Variants in SGCD observed in about 807,000 individuals in gnomAD.
SGCD encodes the protein sarcoglycan delta.
A neutral mutation model predicts 36.6 loss-of-function variants in SGCD; 18 were observed. The ratio of observed to expected loss-of-function variants is 0.49; its 90% CI spans 0.34 to 0.73. SGCD has a LOEUF of 0.73. SGCD is among the 30% of genes least tolerant of loss of function. The pLI, the probability that SGCD is intolerant of heterozygous loss-of-function variation, is 0.01. For synonymous variants in SGCD, 133 were observed against 130.6 expected (o/e 1.02, Z -0.12); for missense variants, 387 against 346.7 (o/e 1.12, Z -0.92).
rs537222540 is a variant in SGCD at position 156,691,371 on chromosome 5, TG to T, written c.575+43836del. On this transcript the variant is annotated intron_variant, in intron 7 of 8. Coordinates refer to ENST00000337851, the MANE Select transcript of SGCD (RefSeq NM_000337.6). ...GTGCGAGACTCAATAGCTATGTGGC[TG>T]CTATACTGGACCACACAAATGTAGA... is the stretch of plus-strand genomic sequence containing the variant. 1.6e-3 allele frequency among the ~76,000 whole-genome samples: 237 copies of T among 152,268 alleles called. 2 individuals carry two copies. The highest frequency in any genetic ancestry group is 6.8e-3 in the Middle Eastern group (2 of 294).
In SGCD at chr5:156,759,453, TG is replaced by T; in HGVS notation, c.*64del. 1 of 1,173,132 alleles carries T rather than the reference TG, an allele frequency of 8.5e-7. No homozygotes were observed. The highest frequency in any genetic ancestry group is 1.2e-6 in the Non-Finnish European group (1 of 826,442). 72.7% of individuals were successfully genotyped at this position (1,173,132 alleles called of 1,614,324 possible). On this transcript the variant is annotated 3_prime_UTR_variant, in exon 9 of 9. Transcript: ENST00000337851. ...GCCTTTTTTGGCTTTAGACACTGGC[TG>T]CCAGCTATTTTTACTAGAACACAGA...
At position 156,393,931 on chromosome 5, in the gene SGCD, T is replaced by G. The variant is rs138515077; in HGVS notation, c.192+49254T>G. On this transcript the variant is annotated intron_variant, in intron 3 of 8. Coordinates refer to ENST00000337851, the MANE Select transcript of SGCD (RefSeq NM_000337.6). Reference sequence around the variant, plus strand: ...GTCGTTGACACTCACAAGAGATGGGTAAGACCTGATTCTTTCCCTGAAAAA... The same window carrying G: ...GTCGTTGACACTCACAAGAGATGGGGAAGACCTGATTCTTTCCCTGAAAAA... 521 of 418,822 alleles carry G rather than the reference T, an allele frequency of 1.2e-3. 1 individual carries two copies. Among genetic ancestry groups the G allele is most frequent in the African/African-American group, 9.3e-3 (456 of 49,100 alleles). 25.9% of individuals were successfully genotyped at this position (418,822 alleles called of 1,614,324 possible).
intron 3 of SGCD, among the ~76,000 whole-genome samples, chr5:156,171,758 T>A (rs536961739): frequency 5.4e-4 from 82 of 152,278 alleles, no homozygotes; most frequent in African/African-American, 1.9e-3. Flanking sequence ...GGGATGATAC[T>A]GAGGGGAATG....
chr5:156,445,854 T>C (rs1209708143), intron 3 of SGCD, among the ~76,000 whole-genome samples: 1 of 152,062 alleles, frequency 6.6e-6, no homozygotes, highest in Non-Finnish European at 1.5e-5. Flanking sequence ...ACACAAACAC[T>C]GTGTTTTTAA....
chr5:155,803,896 T>G, the SGCD span, among the ~76,000 whole-genome samples: 3 of 152,182 alleles, frequency 2.0e-5, no homozygotes, highest in African/African-American at 7.2e-5. Context: ...CGCAGCACAA[T>G]AAAGAACTGC....
intron 1 of SGCD, among the ~76,000 whole-genome samples, chr5:155,924,251 T>A (rs244960): frequency 0.43 from 65,566 of 152,036 alleles, 15,620 homozygotes; most frequent in Non-Finnish European, 0.55. Flanking sequence ...TACTCATCAC[T>A]AATGCACAAA....
chr5:156,623,673 G>A (rs1015147420), intron 6 of SGCD, among the ~76,000 whole-genome samples: 5 of 152,198 alleles, frequency 3.3e-5, no homozygotes, highest in African/African-American at 1.2e-4. Flanking sequence ...ATGGGCTTGT[G>A]GAAAAGATTG....
At chr5:155,865,324 T>C in the SGCD span, among the ~76,000 whole-genome samples, 1 of 152,152 alleles carries the variant, frequency 6.6e-6, no homozygotes, top group African/African-American at 2.4e-5. Flanking sequence ...TACAAATCTC[T>C]AACATCTGAC....
the SGCD span, among the ~76,000 whole-genome samples, chr5:155,736,175 G>A: frequency 6.6e-6 from 1 of 152,212 alleles, no homozygotes; most frequent in African/African-American, 2.4e-5. Flanking sequence ...TATGGAGACA[G>A]TAAGACACAG....
At chr5:156,448,581 T>A (rs1753847790) in intron 3 of SGCD, among the ~76,000 whole-genome samples, 1 of 152,104 alleles carries the variant, frequency 6.6e-6, no homozygotes. Flanking sequence ...GAAATTAATT[T>A]TCAGGGCATT....
intron 3 of SGCD, among the ~76,000 whole-genome samples, chr5:156,427,385 A>C (rs75959819): frequency 0.016 from 2,450 of 152,130 alleles, 72 homozygotes; most frequent in African/African-American, 0.057. Context: ...GCATATGTTG[A>C]TTTAGTATGC....
intron 1 of SGCD, among the ~76,000 whole-genome samples, chr5:155,961,532 C>A (rs1241741185): frequency 6.6e-6 from 1 of 152,084 alleles, no homozygotes; most frequent in Non-Finnish European, 1.5e-5. Flanking sequence ...AGCCAACAAA[C>A]AAACATAGTG....
At chr5:155,879,813 A>T (rs1395224968) in intron 1 of SGCD, among the ~76,000 whole-genome samples, 1 of 152,186 alleles carries the variant, frequency 6.6e-6, no homozygotes, top group African/African-American at 2.4e-5. Context: ...TAACCACTTG[A>T]TAGATGAGAA....
At chr5:155,779,555 T>A in the SGCD span, among the ~76,000 whole-genome samples, 1 of 152,232 alleles carries the variant, frequency 6.6e-6, no homozygotes, top group Non-Finnish European at 1.5e-5. Context: ...TGTACTTATT[T>A]GTTTTCTCAC....
At chr5:156,393,362 G>A (rs1355080941) in intron 3 of SGCD, among the ~76,000 whole-genome samples, 7 of 152,184 alleles carry the variant, frequency 4.6e-5, no homozygotes, top group African/African-American at 1.7e-4. Flanking sequence ...AGAGCCAATT[G>A]TTAAATGTTC....
At chr5:155,842,936 G>T in the SGCD span, among the ~76,000 whole-genome samples, 1 of 151,962 alleles carries the variant, frequency 6.6e-6, no homozygotes, top group Non-Finnish European at 1.5e-5. Context: ...GTTGTTTTTC[G>T]ATTCTTTTCT....
At chr5:156,129,602 A>G (rs1821247) in intron 3 of SGCD, among the ~76,000 whole-genome samples, 2,302 of 152,186 alleles carry the variant, frequency 0.015, 57 homozygotes, top group African/African-American at 0.051. Flanking sequence ...TAAGCCTAGT[A>G]CCCTATAGTT....
At chr5:155,916,438 C>G (rs1354460649) in intron 1 of SGCD, among the ~76,000 whole-genome samples, 1 of 152,072 alleles carries the variant, frequency 6.6e-6, no homozygotes, top group African/African-American at 2.4e-5. Flanking sequence ...CTTGACTTTT[C>G]ACCATAGGTT....
the SGCD span, among the ~76,000 whole-genome samples, chr5:155,728,643 G>A: frequency 6.6e-6 from 1 of 152,048 alleles, no homozygotes; most frequent in African/African-American, 2.4e-5. Flanking sequence ...GGCCGGCGCC[G>A]GCCCCTATTC....
Sources: allele counts gnomAD v4.1 joint callset (sites outside exome capture counted in the v4.1 genomes callset), GRCh38; gene constraint gnomAD v4.1.1; transcripts MANE v1.5; gene names NCBI Gene and HGNC (gene_info 2026-07-23, HGNC 2026-07-21).